PEX7: variants seen among roughly 807,000 people sequenced by gnomAD.
PEX7 encodes the protein peroxisomal biogenesis factor 7.
A neutral mutation model predicts 47.5 loss-of-function variants in PEX7; 34 were observed. That is an observed-to-expected ratio of 0.72 (90% CI 0.54 to 0.95). The LOEUF (loss-of-function observed/expected upper bound fraction) is 0.95. PEX7 is among the 40% of genes least tolerant of loss of function. The pLI is 0.00. For synonymous variants in PEX7, 141 were observed against 148.8 expected (o/e 0.95, Z 0.38); for missense variants, 394 against 400.3 (o/e 0.98, Z 0.13).
intron 9 of PEX7, among the ~76,000 whole-genome samples, chr6:136,909,560 A>C (rs984772198): frequency 2.0e-5 from 3 of 152,238 alleles, no homozygotes; most frequent in Non-Finnish European, 4.4e-5. Context: ...TGGAGAATCT[A>C]GAGCCTCTTT....
chr6:136,858,734 C>G (rs1401068691), intron 5 of PEX7, among the ~76,000 whole-genome samples: 1 of 152,180 alleles, frequency 6.6e-6, no homozygotes, highest in Non-Finnish European at 1.5e-5. Context: ...GGAATATACT[C>G]AACTCTTTTT....
intron 8 of PEX7, among the ~76,000 whole-genome samples, chr6:136,882,477 C>T (rs370577868): frequency 6.6e-6 from 1 of 152,000 alleles, no homozygotes; most frequent in Middle Eastern, 3.2e-3. Flanking sequence ...CGCACCTGGC[C>T]CTTTGCCTCT....
At chr6:136,846,871 T>G (rs1774614561) in intron 5 of PEX7, among the ~76,000 whole-genome samples, 1 of 152,232 alleles carries the variant, frequency 6.6e-6, no homozygotes, top group Non-Finnish European at 1.5e-5. Flanking sequence ...ATGGAATGGC[T>G]GGGTCAAATG....
chr6:136,849,967 A>G (rs1467475847), intron 5 of PEX7, among the ~76,000 whole-genome samples: 1 of 152,060 alleles, frequency 6.6e-6, no homozygotes, highest in East Asian at 1.9e-4. Flanking sequence ...AAAGTCTCCC[A>G]TTATTATTGT....
chr6:136,881,023 A>G (rs1423330484), intron 8 of PEX7, among the ~76,000 whole-genome samples: 2 of 152,242 alleles, frequency 1.3e-5, no homozygotes, highest in South Asian at 2.1e-4. Flanking sequence ...ACAGAAAGGA[A>G]GAAACTGGAA....
intron 3 of PEX7, among the ~76,000 whole-genome samples, chr6:136,839,209 T>C: frequency 6.6e-6 from 1 of 152,122 alleles, no homozygotes; most frequent in Non-Finnish European, 1.5e-5. Context: ...AGAGAAAATT[T>C]AAGTTTCACC....
At chr6:136,877,598 A>G (rs1775298364) in intron 8 of PEX7, among the ~76,000 whole-genome samples, 2 of 152,118 alleles carry the variant, frequency 1.3e-5, no homozygotes, top group Admixed American at 6.5e-5. Flanking sequence ...TGTTTTTGTC[A>G]GGTTTGTCAA....
intron 8 of PEX7, among the ~76,000 whole-genome samples, chr6:136,878,668 T>G (rs961883027): frequency 6.6e-6 from 1 of 152,178 alleles, no homozygotes; most frequent in Non-Finnish European, 1.5e-5. Flanking sequence ...CATTTTGTTC[T>G]AGGTATGTTT....
At chr6:136,841,495 T>G (rs1021779685) in intron 3 of PEX7, among the ~76,000 whole-genome samples, 4 of 152,202 alleles carry the variant, frequency 2.6e-5, no homozygotes, top group African/African-American at 9.6e-5. Flanking sequence ...TAGCCAGCCC[T>G]CAGGGCCCTG....
At chr6:136,880,329 C>G (rs994034143) in intron 8 of PEX7, among the ~76,000 whole-genome samples, 1 of 152,156 alleles carries the variant, frequency 6.6e-6, no homozygotes, top group African/African-American at 2.4e-5. Flanking sequence ...AAGATCACCT[C>G]CCTGTATCCA....
chr6:136,866,683 C>T lies in PEX7; in HGVS notation c.583C>T (p.Pro195Ser). The change falls in exon 6 of 10, where the codon CCT (proline) becomes TCT (serine). Residue 195 changes from proline (P) to serine (S), a missense_variant. Pro to Ser is a moderately conservative substitution (Grantham distance 74, BLOSUM62 -1). Coordinates refer to ENST00000318471, the MANE Select transcript of PEX7 (RefSeq NM_000288.4). ...VKAAGVRIVI[P>S]AHQAEILSCD... ...GGCAGCAGGAGTAAGAATCGTGATT[C>T]CTGCACATCAGGCAGAAATCTTGAG... 1.2e-6 allele frequency: 2 copies of T among 1,613,998 alleles called. No homozygotes were observed. Among genetic ancestry groups the T allele is most frequent in the South Asian group, 2.2e-5 (2 of 91,078 alleles).
chr6:136,834,391 A>AT (rs1161093213), intron 3 of PEX7, among the ~76,000 whole-genome samples: 1 of 152,096 alleles, frequency 6.6e-6, no homozygotes, highest in African/African-American at 2.4e-5. Context: ...TAATTTTTGA[A>AT]TTTTTTGTAG....
chr6:136,908,292 GA>G (rs1775876207), intron 9 of PEX7, among the ~76,000 whole-genome samples: 1 of 152,122 alleles, frequency 6.6e-6, no homozygotes, highest in Admixed American at 6.5e-5. Flanking sequence ...AAGTGAAAAT[GA>G]AATAATTAAA....
At chr6:136,832,197 A>G (rs1484522096) in intron 3 of PEX7, among the ~76,000 whole-genome samples, 5 of 152,208 alleles carry the variant, frequency 3.3e-5, no homozygotes, top group Admixed American at 1.3e-4. Context: ...CTGTGTACCC[A>G]CAGACCCAAC....
chr6:136,864,714 A>G (rs1042191284), intron 5 of PEX7, among the ~76,000 whole-genome samples: 7 of 152,132 alleles, frequency 4.6e-5, no homozygotes, highest in African/African-American at 9.7e-5. Flanking sequence ...TAGCATTTTT[A>G]TATACCGTAT....
intron 1 of PEX7, chr6:136,823,136 CT>C: frequency 1.0e-6 from 1 of 985,448 alleles, no homozygotes; most frequent in Non-Finnish European, 1.2e-6. Flanking sequence ...TGCGCGGTCC[CT>C]TGGATCGGTC....
intron 3 of PEX7, among the ~76,000 whole-genome samples, chr6:136,841,971 C>T (rs1284120695): frequency 4.7e-5 from 7 of 149,812 alleles, no homozygotes; most frequent in African/African-American, 1.7e-4. Flanking sequence ...ATATTTTAAA[C>T]ATAGTATTGA....
intron 1 of PEX7, among the ~76,000 whole-genome samples, chr6:136,823,750 C>T (rs542254712): frequency 1.1e-4 from 16 of 152,066 alleles, no homozygotes; most frequent in Non-Finnish European, 8.8e-5. Context: ...ATTAGCCGGG[C>T]GTGGTGGCGC....
In PEX7 at chr6:136,827,454, A is replaced by G. The variant is rs144063290; in HGVS notation, c.339+985A>G. ...CAGGATAATCAATGCACGAATCTCT[A>G]CAGAACAGTATGTCCAAAATTCAGA... On this transcript the variant is annotated intron_variant, in intron 3 of 9. Coordinates refer to ENST00000318471, the MANE Select transcript of PEX7 (RefSeq NM_000288.4). Among the ~76,000 whole-genome samples, 436 of 152,232 alleles carry G rather than the reference A, an allele frequency of 2.9e-3. 2 individuals carry two copies. The highest frequency in any genetic ancestry group is 1.0e-2 in the African/African-American group (415 of 41,524).
Sources: allele counts gnomAD v4.1 joint callset (sites outside exome capture counted in the v4.1 genomes callset), GRCh38; gene constraint gnomAD v4.1.1; transcripts MANE v1.5; gene names NCBI Gene and HGNC (gene_info 2026-07-23, HGNC 2026-07-21).